PCLO: variants seen among roughly 807,000 people sequenced by gnomAD.
The protein encoded by PCLO is protein piccolo.
A neutral mutation model predicts 427.5 loss-of-function variants in PCLO; 82 were observed. The ratio of observed to expected loss-of-function variants is 0.19; its 90% CI spans 0.16 to 0.23. The LOEUF (loss-of-function observed/expected upper bound fraction) is 0.23, where lower values mean the gene tolerates loss of function less well. Ranked by LOEUF, PCLO falls within the 10% of genes least tolerant of loss-of-function variation. The pLI, the probability that PCLO is intolerant of heterozygous loss-of-function variation, is 1.00. For synonymous variants in PCLO, 2,357 were observed against 2,155.4 expected (o/e 1.09, Z -2.59); for missense variants, 6,239 against 6,115.9 (o/e 1.02, Z -0.67).
In PCLO at chr7:82,809,843, G is replaced by A. The variant is rs554800876; in HGVS notation, c.14792-4014C>T. On this transcript the variant is annotated intron_variant, in intron 20 of 24. Transcript: ENST00000333891. The stretch of plus-strand genomic sequence containing the variant: ...TAACTTTACTCTGTCATACTGTATA[G>A]AAAAAGGTGATCATTCAACTATATT... Among the ~76,000 whole-genome samples, 31 of 151,440 alleles carry A rather than the reference G, an allele frequency of 2.0e-4. 1 individual carries two copies. In the East Asian group the frequency reaches 5.8e-3, roughly 28 times the overall value.
chr7:82,983,593 A>G (rs1796195511), intron 3 of PCLO, among the ~76,000 whole-genome samples: 4 of 149,652 alleles, frequency 2.7e-5, no homozygotes, highest in Non-Finnish European at 5.9e-5. Context: ...ATAATTAGCC[A>G]AAATGGTAAG....
At chr7:82,882,727 T>C (rs1793537827) in intron 9 of PCLO, among the ~76,000 whole-genome samples, 1 of 152,124 alleles carries the variant, frequency 6.6e-6, no homozygotes, top group Non-Finnish European at 1.5e-5. Flanking sequence ...AACCTGAGAA[T>C]TACAATTTAA....
Position 83,154,933 on chromosome 7 carries a change from G to T in PCLO, c.1708C>A (p.Pro570Thr), listed in dbSNP as rs752953905. ...TGTTTTGCAGATGGAGACACTGTTG[G>T]TGGCTGCAGAGGTTTTCCAGATCCT... ...QTGSGKPLQP[P>T]TVSPSAKQPP... is the part of the protein sequence containing the mutation. Residue 570 changes from proline to threonine, a missense_variant, in exon 2 of 25, where the codon CCA becomes ACA. Transcript: ENST00000333891. The T allele has an allele frequency of 9.3e-6, 15 of 1,613,892 alleles. No homozygotes were observed. In the South Asian group the frequency reaches 1.6e-4, roughly 18 times the overall value.
At position 82,828,871 on chromosome 7, in the gene PCLO, T is replaced by C. The variant is rs76920940; in HGVS notation, c.14250-905A>G. Among the ~76,000 whole-genome samples the C allele has an allele frequency of 7.2e-5, 11 of 152,278 alleles. No homozygotes were observed. The East Asian group carries it at 1.7e-3, about 24-fold the overall frequency. On this transcript the variant is annotated intron_variant, in intron 16 of 24. Coordinates refer to ENST00000333891, the MANE Select transcript of PCLO (RefSeq NM_033026.6). ...TTATGTCTCACGTTCTAAATAATAC[T>C]TCATCTGTGGTGGGCACTAGAGTCC...
intron 3 of PCLO, among the ~76,000 whole-genome samples, chr7:83,127,085 A>C (rs982403778): frequency 6.6e-6 from 1 of 152,138 alleles, no homozygotes; most frequent in African/African-American, 2.4e-5. Context: ...CGCTTTGTTT[A>C]TAAAGTAACA....
At chr7:82,862,653 A>G (rs1792989819) in intron 10 of PCLO, among the ~76,000 whole-genome samples, 1 of 151,938 alleles carries the variant, frequency 6.6e-6, no homozygotes, top group Non-Finnish European at 1.5e-5. Context: ...CATATACACA[A>G]TGGGGTACTA....
chr7:82,840,266 T>C (rs1199854679), intron 14 of PCLO, among the ~76,000 whole-genome samples: 1 of 152,084 alleles, frequency 6.6e-6, no homozygotes, highest in Non-Finnish European at 1.5e-5. Flanking sequence ...ATCAGGGTAG[T>C]ACTGTTAGTT....
In PCLO at chr7:82,878,941, T is replaced by G. The variant is rs146186026; in HGVS notation, c.13654+396A>C. On this transcript the variant is annotated intron_variant, in intron 10 of 24. Transcript: ENST00000333891. ...ATGGATAAAGCCTGTGGGCCATCCA[T>G]AGTTTGCTTACCCAACCTTAGTGTG... Among the ~76,000 whole-genome samples the G allele has an allele frequency of 1.3e-3, 201 of 152,310 alleles. 1 individual carries two copies. The East Asian group carries it at 0.017, about 13-fold the overall frequency.
chr7:83,074,952 CT>C (rs1299539649), intron 3 of PCLO, among the ~76,000 whole-genome samples: 5 of 152,176 alleles, frequency 3.3e-5, no homozygotes, highest in Admixed American at 2.6e-4. Flanking sequence ...AAAATATCAC[CT>C]AAAGAAATGT....
intron 9 of PCLO, among the ~76,000 whole-genome samples, chr7:82,896,305 G>C (rs999720578): frequency 1.3e-5 from 2 of 151,734 alleles, no homozygotes; most frequent in Non-Finnish European, 2.9e-5. Flanking sequence ...AACATATTTA[G>C]CAGTAAAAAG....
chr7:83,088,239 G>A (rs1173838038), intron 3 of PCLO, among the ~76,000 whole-genome samples: 1 of 152,146 alleles, frequency 6.6e-6, no homozygotes, highest in Admixed American at 6.5e-5. Context: ...ACAAAAGCAG[G>A]AGTTTAGGGA....
At chr7:82,811,812 A>G (rs1791577657) in intron 20 of PCLO, among the ~76,000 whole-genome samples, 1 of 151,528 alleles carries the variant, frequency 6.6e-6, no homozygotes. Context: ...TGAAACTCTG[A>G]TATCTCTATC....
At chr7:82,873,091 T>G (rs1738273554) in intron 10 of PCLO, among the ~76,000 whole-genome samples, 1 of 152,102 alleles carries the variant, frequency 6.6e-6, no homozygotes, top group Admixed American at 6.6e-5. Context: ...GGCCTATTTC[T>G]TTTTAAAATA....
At chr7:82,760,553 C>A (rs1286696258) in intron 24 of PCLO, 86 bp downstream of exon 24, 3 of 782,012 alleles carry the variant, frequency 3.8e-6, no homozygotes, top group Non-Finnish European at 5.9e-6. Flanking sequence ...AGTGTATGAT[C>A]AGTATATAAA....
At position 82,955,215 on chromosome 7, in the gene PCLO, CTTT is replaced by C; in HGVS notation, c.5735_5737del (p.Lys1912del). On this transcript the variant is annotated inframe_deletion, in exon 5 of 25. Coordinates refer to ENST00000333891, the MANE Select transcript of PCLO (RefSeq NM_033026.6). ...CATTTCTTCATACATCTCCTCAGCA[CTTT>C]TTAACGCCTTTTGGCTACCTTCTTT... is the stretch of plus-strand genomic sequence containing the variant. The C allele has an allele frequency of 6.2e-7, 1 of 1,613,806 alleles. No individual in the cohort carries two copies. The highest frequency in any genetic ancestry group is 1.1e-5 in the South Asian group (1 of 91,078).
chr7:83,032,064 A>G (rs1414388533), intron 3 of PCLO, among the ~76,000 whole-genome samples: 2 of 152,030 alleles, frequency 1.3e-5, no homozygotes, highest in Admixed American at 6.6e-5. Context: ...TTTTCTTGCT[A>G]TACTAAAATT....
chr7:82,811,523 T>C (rs1232758125), intron 20 of PCLO, among the ~76,000 whole-genome samples: 1 of 151,676 alleles, frequency 6.6e-6, no homozygotes, highest in Admixed American at 6.6e-5. Flanking sequence ...TTAAGTGTCA[T>C]TGTGCCAGCA....
intron 2 of PCLO, 63 bp downstream of exon 2, chr7:83,154,685 C>A (rs1792221088): frequency 8.5e-7 from 1 of 1,178,722 alleles, no homozygotes. Flanking sequence ...TTTAGTTAAG[C>A]ATCATTTGTA....
chr7:83,122,568 G>A (rs1379458672), intron 3 of PCLO, among the ~76,000 whole-genome samples: 1 of 152,114 alleles, frequency 6.6e-6, no homozygotes, highest in East Asian at 1.9e-4. Context: ...TTACAGTGGT[G>A]AGCCACTGCG....
Sources: gnomAD v4.1 joint callset for allele counts (sites outside exome capture counted in the v4.1 genomes callset) on GRCh38, gnomAD v4.1.1 for gene constraint, MANE v1.5 for transcripts, NCBI Gene and HGNC (gene_info 2026-07-23, HGNC 2026-07-21) for gene names.